TCF12: variants seen among roughly 807,000 people sequenced by gnomAD.
TCF12 encodes the protein transcription factor 12.
Under a neutral mutation model 86.0 loss-of-function variants are expected in TCF12, and 45 were observed. The observed-to-expected ratio is 0.52, with a 90% confidence interval of 0.41 to 0.67. The LOEUF (loss-of-function observed/expected upper bound fraction) is 0.67, where lower values mean the gene tolerates loss of function less well. Ranked by LOEUF, TCF12 falls within the 30% of genes least tolerant of loss-of-function variation. TCF12 has a pLI of 0.00. For missense variants in TCF12, 881 were observed against 859.9 expected, an observed-to-expected ratio of 1.02 and a Z score of -0.31; for synonymous variants, 330 against 299.6, an observed-to-expected ratio of 1.10 and a Z score of -1.05.
chr15:57,173,550 G>C (rs1597059037), intron 6 of TCF12, among the ~76,000 whole-genome samples: 1 of 152,228 alleles, frequency 6.6e-6, no homozygotes, highest in South Asian at 2.1e-4. Flanking sequence ...AATCTGGAAT[G>C]AAAGAGAGGT....
chr15:57,160,383 C>G (rs555579944), intron 5 of TCF12, among the ~76,000 whole-genome samples: 252 of 152,262 alleles, frequency 1.7e-3, no homozygotes, highest in African/African-American at 5.9e-3. Flanking sequence ...ATCATAAGGA[C>G]AGCATGGAGG....
chr15:56,946,798 C>CCTTTTTTTTTTTTTTTTTTTTT (rs2061018263), intron 3 of TCF12, among the ~76,000 whole-genome samples: 1 of 113,544 alleles, frequency 8.8e-6, no homozygotes, highest in African/African-American at 3.1e-5. Flanking sequence ...TCTAAAGTAC[C>CCTTTTTTTTTTTTTTTTTTTTT]TTTTTTTTTT....
intron 1 of TCF12, chr15:56,919,205 G>C (rs1174292144): frequency 2.6e-5 from 4 of 151,940 alleles, no homozygotes; most frequent in African/African-American, 9.7e-5. Context: ...CTTCGGCCGC[G>C]GAGCCAGGCT....
intron 3 of TCF12, chr15:57,001,318 G>C (rs1183637210): frequency 5.6e-6 from 1 of 178,376 alleles, no homozygotes; most frequent in African/African-American, 2.4e-5. Context: ...TCATTGTCCA[G>C]GAATTCCACA....
At chr15:57,124,766 C>T (rs1464542053) in intron 5 of TCF12, among the ~76,000 whole-genome samples, 1 of 151,990 alleles carries the variant, frequency 6.6e-6, no homozygotes, top group African/African-American at 2.4e-5. Context: ...CAAGCTCCGT[C>T]TCCCGGGTTC....
At position 56,936,173 on chromosome 15, in the gene TCF12, C is replaced by G. The variant is rs529914990; in HGVS notation, c.148+15075C>G. Among the ~76,000 whole-genome samples the G allele has an allele frequency of 2.0e-5, 3 of 152,060 alleles. No homozygotes were observed. In the South Asian group the frequency reaches 6.2e-4, roughly 32 times the overall value. On this transcript the variant is annotated intron_variant, in intron 3 of 20. Coordinates refer to ENST00000333725, the MANE Select transcript of TCF12 (RefSeq NM_207037.2). ...TTTTTATTTTTTTATTATGGCCATT[C>G]TTGTGAGAGTAAGGTGGTATTGCAT...
At chr15:57,091,543 A>G (rs1327646678) in intron 4 of TCF12, among the ~76,000 whole-genome samples, 2 of 152,186 alleles carry the variant, frequency 1.3e-5, no homozygotes. Flanking sequence ...ATTCGTGCTC[A>G]TGGTTAGTGT....
intron 6 of TCF12, among the ~76,000 whole-genome samples, chr15:57,166,759 G>T (rs938275733): frequency 6.6e-5 from 10 of 152,168 alleles, no homozygotes; most frequent in Non-Finnish European, 1.3e-4. Context: ...TTTTCTCACA[G>T]AAAACGTAAT....
chr15:57,051,191 G>A (rs568746399), intron 3 of TCF12, among the ~76,000 whole-genome samples: 2 of 152,294 alleles, frequency 1.3e-5, no homozygotes, highest in South Asian at 4.1e-4. Context: ...AGGCAGGTCT[G>A]TAGAAAGCCC....
At chr15:57,191,398 G>A (rs571066111) in intron 6 of TCF12, among the ~76,000 whole-genome samples, 1 of 152,298 alleles carries the variant, frequency 6.6e-6, no homozygotes, top group East Asian at 1.9e-4. Context: ...CCAGGTTCCA[G>A]GCTATAGTAA....
intron 5 of TCF12, among the ~76,000 whole-genome samples, chr15:57,155,925 A>C (rs1205777949): frequency 6.6e-6 from 1 of 152,242 alleles, no homozygotes; most frequent in African/African-American, 2.4e-5. Context: ...TTTTCTTTAT[A>C]CACAAAGTGT....
intron 13 of TCF12, among the ~76,000 whole-genome samples, chr15:57,248,798 GT>G (rs1304731992): frequency 3.3e-5 from 5 of 152,162 alleles, no homozygotes; most frequent in Non-Finnish European, 5.9e-5. Flanking sequence ...CCTTTGTACA[GT>G]TTTTTTAATA....
chr15:57,018,745 G>C (rs2065298656), intron 3 of TCF12, among the ~76,000 whole-genome samples: 2 of 152,092 alleles, frequency 1.3e-5, no homozygotes, highest in Admixed American at 6.6e-5. Flanking sequence ...CCTAGCCGGG[G>C]CCTGATAATT....
chr15:57,103,583 C>T (rs1291049660), intron 5 of TCF12, among the ~76,000 whole-genome samples: 3 of 152,156 alleles, frequency 2.0e-5, no homozygotes. Context: ...TGTATGTTAG[C>T]TCTACCACAA....
chr15:57,216,141 T>C (rs1350670907), intron 8 of TCF12, among the ~76,000 whole-genome samples: 1 of 152,080 alleles, frequency 6.6e-6, no homozygotes, highest in African/African-American at 2.4e-5. Flanking sequence ...CCTGATAACA[T>C]TTGGGAGGAA....
chr15:57,076,358 T>A (rs1390772001), intron 4 of TCF12, among the ~76,000 whole-genome samples: 2 of 152,058 alleles, frequency 1.3e-5, no homozygotes, highest in African/African-American at 4.8e-5. Context: ...GATAAATCTT[T>A]AAGAAAGGAA....
chr15:56,947,390 C>T (rs1210343683), intron 3 of TCF12, among the ~76,000 whole-genome samples: 1 of 152,172 alleles, frequency 6.6e-6, no homozygotes, highest in Non-Finnish European at 1.5e-5. Context: ...GTAGCTTCCT[C>T]CTCTAGACCT....
At chr15:57,265,123 TATA>T (rs2060801340) in intron 18 of TCF12, among the ~76,000 whole-genome samples, 1 of 114,558 alleles carries the variant, frequency 8.7e-6, no homozygotes. Context: ...TATAGTATAG[TATA>T]GTATAGTATA....
intron 8 of TCF12, among the ~76,000 whole-genome samples, chr15:57,222,620 G>T (rs1314813754): frequency 1.3e-5 from 2 of 151,592 alleles, no homozygotes; most frequent in African/African-American, 4.8e-5. Context: ...GGGTTTCTGA[G>T]GTTCCTTCTT....
Sources: gnomAD v4.1 joint callset for allele counts (sites outside exome capture counted in the v4.1 genomes callset) on GRCh38, gnomAD v4.1.1 for gene constraint, MANE v1.5 for transcripts, NCBI Gene and HGNC (gene_info 2026-07-23, HGNC 2026-07-21) for gene names.